SQLE: variants seen among roughly 807,000 people sequenced by gnomAD.
The protein encoded by SQLE is squalene monooxygenase.
A neutral mutation model predicts 60.7 loss-of-function variants in SQLE; 29 were observed. The observed-to-expected ratio is 0.48, with a 90% CI of 0.36 to 0.65. The LOEUF is 0.65. Ranked by LOEUF, SQLE falls within the 30% of genes least tolerant of loss-of-function variation. The pLI is 0.00. For missense variants in SQLE, 605 were observed against 684.1 expected, an observed-to-expected ratio of 0.88 and a Z score of 1.29; for synonymous variants, 237 against 246.8, an observed-to-expected ratio of 0.96 and a Z score of 0.37.
rs1184235352 is a variant in SQLE, at chr8:124,998,892, C to T, written c.-512C>T. The T allele has an allele frequency of 5.3e-6, 2 of 376,578 alleles. No homozygotes were observed. The highest frequency in any genetic ancestry group is 9.2e-5 in the Admixed American group (2 of 21,664). The allele number at this position is 376,578 out of a possible 1,614,324, so 23.3% of individuals were successfully genotyped here. On this transcript the variant is annotated 5_prime_UTR_variant, in exon 1 of 11. Transcript: ENST00000265896. The stretch of plus-strand genomic sequence containing the variant: ...CTGAACCCGCGCCGGCCCGCAGCCC[C>T]CGTGCCTTCCGGCCGCTGCTCGCCG...
At position 124,999,459 on chromosome 8, in the gene SQLE, A is replaced by T; in HGVS notation, c.56A>T (p.Asp19Val). 4 of 1,551,224 alleles carry T rather than the reference A, an allele frequency of 2.6e-6. No individual in the cohort carries two copies. Among genetic ancestry groups the T allele is most frequent in the Non-Finnish European group, 3.5e-6 (4 of 1,148,240 alleles). Reference protein sequence around the residue: ...TFTYFYKKFGDFITLANREVL... With the variant: ...TFTYFYKKFGVFITLANREVL... ...ACCTATTTTTATAAGAAGTTCGGGG[A>T]CTTCATCACTTTGGCCAACAGGGAG... Residue 19 changes from aspartate to valine, a missense_variant, in exon 1 of 11, where the codon GAC becomes GTC. Transcript: ENST00000265896.
intron 7 of SQLE, among the ~76,000 whole-genome samples, chr8:125,014,351 TG>T (rs1815080478): frequency 6.6e-6 from 1 of 152,212 alleles, no homozygotes; most frequent in African/African-American, 2.4e-5. Context: ...AAAGGTTTGC[TG>T]ATTTTATCTT....
chr8:124,998,588 C>A lies in SQLE; in HGVS notation c.-816C>A. On this transcript the variant is annotated 5_prime_UTR_variant, in exon 1 of 11. Coordinates refer to ENST00000265896, the MANE Select transcript of SQLE (RefSeq NM_003129.4). ...GCCGCGCCGCGCTGGCGAGAGCCGC[C>A]GCCCGCGAGGGATGCTGGTGAGGAA... 1.5e-6 allele frequency: 1 copy of A among 685,758 alleles called. No individual in the cohort carries two copies. Among genetic ancestry groups the A allele is most frequent in the South Asian group, 1.5e-5 (1 of 65,974 alleles). 42.5% of individuals were successfully genotyped at this position (685,758 alleles called of 1,614,324 possible). A position where few individuals can be genotyped will look rare whatever the true frequency, so the allele number is the denominator to read the frequency against.
At chr8:125,001,529 G>GT (rs1370034067) in intron 1 of SQLE, among the ~76,000 whole-genome samples, 2 of 149,412 alleles carry the variant, frequency 1.3e-5, no homozygotes, top group South Asian at 2.1e-4. Context: ...CACATTTTTG[G>GT]TTAAGATGAC....
At chr8:125,001,009 C>T (rs1814838716) in intron 1 of SQLE, among the ~76,000 whole-genome samples, 1 of 152,110 alleles carries the variant, frequency 6.6e-6, no homozygotes. Flanking sequence ...CTATAACCGC[C>T]TGATAATAGT....
At chr8:125,019,614 G>A (rs577211557) in intron 9 of SQLE, among the ~76,000 whole-genome samples, 1 of 152,198 alleles carries the variant, frequency 6.6e-6, no homozygotes, top group South Asian at 2.1e-4. Flanking sequence ...GAGGAGAAAA[G>A]GCAACTGTGC....
At chr8:125,017,341 T>C (rs1452606600) in intron 7 of SQLE, among the ~76,000 whole-genome samples, 10 of 151,802 alleles carry the variant, frequency 6.6e-5, no homozygotes, top group Non-Finnish European at 1.3e-4. Flanking sequence ...GACATATTCC[T>C]TCCCACTCTT....
At chr8:125,019,573 A>AAAAC (rs762636603) in intron 9 of SQLE, among the ~76,000 whole-genome samples, 1 of 152,192 alleles carries the variant, frequency 6.6e-6, no homozygotes, top group African/African-American at 2.4e-5. Context: ...TTCATCTTCT[A>AAAAC]AAACAAACAA....
chr8:124,998,532 G>C lies in SQLE; in HGVS notation c.-872G>C. The C allele has an allele frequency of 1.5e-6, 1 of 667,106 alleles. No individual in the cohort carries two copies. Among genetic ancestry groups the C allele is most frequent in the Non-Finnish European group, 2.7e-6 (1 of 368,678 alleles). 41.3% of individuals were successfully genotyped at this position (667,106 alleles called of 1,614,324 possible). A position where few individuals can be genotyped will look rare whatever the true frequency, so the allele number is the denominator to read the frequency against. ...GACGCGTGGAGCCTGGCGGCGAGTGGGGGCGTGCGACGGTTACTCTGGTTA... is the reference window on the plus strand; with the variant it reads ...GACGCGTGGAGCCTGGCGGCGAGTGCGGGCGTGCGACGGTTACTCTGGTTA... On this transcript the variant is annotated 5_prime_UTR_variant, in exon 1 of 11. Transcript: ENST00000265896.
intron 2 of SQLE, among the ~76,000 whole-genome samples, 181 bp from the exon 3 acceptor site, chr8:125,005,344 T>C (rs1814929259): frequency 6.7e-6 from 1 of 149,348 alleles, no homozygotes; most frequent in South Asian, 2.2e-4. Context: ...ACAGATTTGC[T>C]AAGACTCTCA....
chr8:125,017,569 AC>A (rs1307779779), intron 7 of SQLE, among the ~76,000 whole-genome samples: 1 of 151,898 alleles, frequency 6.6e-6, no homozygotes, highest in Non-Finnish European at 1.5e-5. Context: ...AGGTGCCAAG[AC>A]CTAGAATCAG....
chr8:125,008,770 G>T (rs556757622), intron 4 of SQLE, among the ~76,000 whole-genome samples: 32 of 152,144 alleles, frequency 2.1e-4, no homozygotes, highest in Non-Finnish European at 4.1e-4. Context: ...GATCCTCAGG[G>T]ACTCAGAGGA....
At chr8:125,010,631 G>C (rs1395750640) in intron 6 of SQLE, among the ~76,000 whole-genome samples, 1 of 151,818 alleles carries the variant, frequency 6.6e-6, no homozygotes, top group African/African-American at 2.4e-5. Context: ...ACATGTACAT[G>C]GAAACATTTC....
chr8:125,020,957 T>G, intron 10 of SQLE, 86 bp downstream of exon 10: 2 of 886,684 alleles, frequency 2.3e-6, no homozygotes, highest in Admixed American at 4.5e-5. Flanking sequence ...TCTTTCTTCC[T>G]TACACATTTT....
At position 124,998,740 on chromosome 8, in the gene SQLE, T is replaced by C. The variant is rs1814789059; in HGVS notation, c.-664T>C. ...AACGGGAGGCCTCTAAATCTTTAGGTTGGGGCTGCATTGCCCTGGAGCCGC... is the reference window on the plus strand; with the variant it reads ...AACGGGAGGCCTCTAAATCTTTAGGCTGGGGCTGCATTGCCCTGGAGCCGC... On this transcript the variant is annotated 5_prime_UTR_variant, in exon 1 of 11. Coordinates refer to ENST00000265896, the MANE Select transcript of SQLE (RefSeq NM_003129.4). 3 of 564,036 alleles carry C rather than the reference T, an allele frequency of 5.3e-6. No individual in the cohort carries two copies. The highest frequency in any genetic ancestry group is 2.0e-5 in the South Asian group (1 of 49,676). 34.9% of individuals were successfully genotyped at this position (564,036 alleles called of 1,614,324 possible). A position where few individuals can be genotyped will look rare whatever the true frequency, so the allele number is the denominator to read the frequency against.
chr8:125,012,891 A>G (rs1408575764), intron 7 of SQLE, among the ~76,000 whole-genome samples: 1 of 152,174 alleles, frequency 6.6e-6, no homozygotes, highest in African/African-American at 2.4e-5. Flanking sequence ...TGTGAGTTCT[A>G]ATTTCTCCAC....
At chr8:125,009,848 A>C (rs1237400651) in intron 6 of SQLE, among the ~76,000 whole-genome samples, 1 of 152,152 alleles carries the variant, frequency 6.6e-6, no homozygotes, top group East Asian at 1.9e-4. Flanking sequence ...TAGTTTTTAG[A>C]ATAATTGTTT....
At chr8:125,003,489 C>CTCT in intron 2 of SQLE, 61 bp downstream of exon 2, 1 of 1,559,444 alleles carries the variant, frequency 6.4e-7, no homozygotes, top group South Asian at 1.2e-5. Flanking sequence ...TTCACTTAGA[C>CTCT]CATCCTATGA....
rs1286918356 is a variant in SQLE, at chr8:124,998,558, C to T, written c.-846C>T. ...GGGCGTGCGACGGTTACTCTGGTTA[C>T]TGGGGCCGCGCCGCGCTGGCGAGAG... On this transcript the variant is annotated 5_prime_UTR_variant, in exon 1 of 11. Coordinates refer to ENST00000265896, the MANE Select transcript of SQLE (RefSeq NM_003129.4). 8.8e-6 allele frequency: 6 copies of T among 682,986 alleles called. No individual in the cohort carries two copies. The highest frequency in any genetic ancestry group is 1.6e-5 in the Non-Finnish European group (6 of 376,462). The allele number at this position is 682,986 out of a possible 1,614,324, so 42.3% of individuals were successfully genotyped here. A position where few individuals can be genotyped will look rare whatever the true frequency, so the allele number is the denominator to read the frequency against.
Sources: allele counts gnomAD v4.1 joint callset (sites outside exome capture counted in the v4.1 genomes callset), GRCh38; gene constraint gnomAD v4.1.1; transcripts MANE v1.5; gene names NCBI Gene and HGNC (gene_info 2026-07-23, HGNC 2026-07-21).